The following SLC12A6 variants were observed in gnomAD, a reference collection of about 807,000 sequenced individuals.
SLC12A6 encodes solute carrier family 12 member 6.
A neutral mutation model predicts 135.3 loss-of-function variants in SLC12A6; 66 were observed. The ratio of observed to expected loss-of-function variants is 0.49; its 90% CI spans 0.40 to 0.60. The LOEUF is 0.60. Ranked by LOEUF, SLC12A6 falls within the 20% of genes least tolerant of loss-of-function variation. The pLI is 0.00. For missense variants in SLC12A6, 1,058 were observed against 1,452.3 expected (o/e 0.73, Z 4.41); for synonymous variants, 513 against 508.8 (o/e 1.01, Z -0.11).
At chr15:34,322,547 A>C (rs78541473) in intron 2 of SLC12A6, among the ~76,000 whole-genome samples, 1 of 152,176 alleles carries the variant, frequency 6.6e-6, no homozygotes, top group Non-Finnish European at 1.5e-5. Context: ...TCTGCAATTT[A>C]CCTTAAAATG....
At chr15:34,303,886 C>A (rs1026165412) in intron 2 of SLC12A6, among the ~76,000 whole-genome samples, 6 of 152,140 alleles carry the variant, frequency 3.9e-5, no homozygotes, top group Non-Finnish European at 8.8e-5. Context: ...TTATAAATTA[C>A]CCAGTCTGTG....
intron 13 of SLC12A6, among the ~76,000 whole-genome samples, chr15:34,247,567 G>C (rs1242370641): frequency 6.6e-6 from 1 of 151,954 alleles, no homozygotes. Flanking sequence ...CACATCTGAA[G>C]ATTTCTACAA....
Position 34,278,215 on chromosome 15 carries a change from T to C in SLC12A6, c.272-2826A>G, listed in dbSNP as rs530004373. Among the ~76,000 whole-genome samples, 19 of 151,902 alleles carry C rather than the reference T, an allele frequency of 1.3e-4. No homozygotes were observed. In the East Asian group the frequency reaches 3.7e-3, roughly 30 times the overall value. Reference sequence around the variant, plus strand: ...GCCGAGGCGGGTGGATCACCTGAGGTCAGGAGTTCGAGACCAGCCTGACCA... The same window carrying C: ...GCCGAGGCGGGTGGATCACCTGAGGCCAGGAGTTCGAGACCAGCCTGACCA... On this transcript the variant is annotated intron_variant, in intron 2 of 25. Transcript: ENST00000354181.
intron 3 of SLC12A6, among the ~76,000 whole-genome samples, chr15:34,264,732 G>A (rs997539499): frequency 6.6e-6 from 1 of 152,124 alleles, no homozygotes; most frequent in Admixed American, 6.5e-5. Context: ...GGAAAAATTA[G>A]GTAGGGTCTT....
At chr15:34,326,043 T>C (rs543085989) in intron 2 of SLC12A6, among the ~76,000 whole-genome samples, 2 of 152,356 alleles carry the variant, frequency 1.3e-5, no homozygotes, top group East Asian at 1.9e-4. Context: ...GCTAGCTAAT[T>C]TGATAGCTAC....
At chr15:34,275,643 T>C (rs534476364) in intron 2 of SLC12A6, among the ~76,000 whole-genome samples, 1 of 152,246 alleles carries the variant, frequency 6.6e-6, no homozygotes, top group East Asian at 1.9e-4. Context: ...AAACAGGGAC[T>C]CAAACAGATA....
intron 15 of SLC12A6, among the ~76,000 whole-genome samples, chr15:34,244,862 A>G (rs1201505207): frequency 6.6e-6 from 1 of 152,106 alleles, no homozygotes; most frequent in Non-Finnish European, 1.5e-5. Context: ...TTATCATGGC[A>G]CTCATCACGC....
intron 2 of SLC12A6, among the ~76,000 whole-genome samples, chr15:34,321,214 T>A (rs577705589): frequency 4.6e-5 from 7 of 152,334 alleles, no homozygotes; most frequent in African/African-American, 1.7e-4. Flanking sequence ...CTAAATTTTA[T>A]TTCATTGGTT....
chr15:34,325,161 A>G (rs1449332850), intron 2 of SLC12A6, among the ~76,000 whole-genome samples: 1 of 152,134 alleles, frequency 6.6e-6, no homozygotes, highest in East Asian at 1.9e-4. Flanking sequence ...GCTGTTCACC[A>G]CTTACATTTA....
chr15:34,242,656 G>C (rs938002098), intron 16 of SLC12A6, among the ~76,000 whole-genome samples: 2 of 152,040 alleles, frequency 1.3e-5, no homozygotes, highest in African/African-American at 4.8e-5. Context: ...ATAACTCTAG[G>C]ATCTTTTTAA....
chr15:34,322,978 C>CAAAAAAAAAA (rs1218702689), intron 2 of SLC12A6, among the ~76,000 whole-genome samples: 1 of 39,014 alleles, frequency 2.6e-5, no homozygotes, highest in African/African-American at 9.1e-5. Context: ...AACTCTGTCT[C>CAAAAAAAAAA]AAAAAAAAAA....
chr15:34,262,607 A>T (rs1893224893), intron 3 of SLC12A6, among the ~76,000 whole-genome samples: 1 of 152,170 alleles, frequency 6.6e-6, no homozygotes, highest in African/African-American at 2.4e-5. Context: ...AGAGCTGTTA[A>T]CATGCCGCCA....
At chr15:34,290,106 C>A (rs568674460) in intron 2 of SLC12A6, among the ~76,000 whole-genome samples, 2 of 152,116 alleles carry the variant, frequency 1.3e-5, no homozygotes, top group East Asian at 1.9e-4. Context: ...CTTTCTCTTG[C>A]GGGCATTTAG....
intron 16 of SLC12A6, 115 bp from the exon 17 acceptor site, chr15:34,242,336 T>G: frequency 1.4e-6 from 1 of 729,122 alleles, no homozygotes; most frequent in Non-Finnish European, 2.3e-6. Context: ...ACTTTGAAAC[T>G]ATTATAAATA....
intron 14 of SLC12A6, 69 bp from the exon 15 acceptor site, chr15:34,245,472 A>C (rs1334707339): frequency 7.1e-6 from 7 of 986,922 alleles, no homozygotes; most frequent in Non-Finnish European, 1.2e-5. Flanking sequence ...TCTAGCCTAC[A>C]GTTTTCAGAC....
intron 13 of SLC12A6, among the ~76,000 whole-genome samples, chr15:34,249,550 G>A (rs964644778): frequency 2.0e-5 from 3 of 152,146 alleles, no homozygotes; most frequent in Non-Finnish European, 4.4e-5. Flanking sequence ...CTGGGCAACA[G>A]AGCAAGACCT....
chr15:34,300,793 CAAAAAAAAA>C lies in SLC12A6; in HGVS notation c.272-25413_272-25405del, dbSNP rs71763739. Among the ~76,000 whole-genome samples the C allele has an allele frequency of 3.4e-4, 34 of 98,862 alleles. 1 individual carries two copies. Among genetic ancestry groups the C allele is most frequent in the East Asian group, 1.2e-3 (4 of 3,342 alleles). 64.9% of individuals were successfully genotyped at this position (98,862 alleles called of 152,430 possible). On this transcript the variant is annotated intron_variant, in intron 2 of 25. Coordinates refer to ENST00000354181, the MANE Select transcript of SLC12A6 (RefSeq NM_001365088.1). The stretch of plus-strand genomic sequence containing the variant: ...CCTGGGAGACAGAGTGACTCCGTCT[CAAAAAAAAA>C]AAAAAAAAAAAAAGAATGAGAGGAG...
At chr15:34,287,068 G>A (rs565480940) in intron 2 of SLC12A6, among the ~76,000 whole-genome samples, 6 of 151,744 alleles carry the variant, frequency 4.0e-5, no homozygotes, top group Non-Finnish European at 7.4e-5. Context: ...AGGTATACAC[G>A]TGCCATGGTG....
intron 2 of SLC12A6, among the ~76,000 whole-genome samples, chr15:34,288,658 C>T (rs931936096): frequency 3.3e-5 from 5 of 152,064 alleles, no homozygotes; most frequent in African/African-American, 1.2e-4. Context: ...CTCTTATTTC[C>T]TTGGGCAGTG....
Sources: gnomAD v4.1 joint callset for allele counts (sites outside exome capture counted in the v4.1 genomes callset) on GRCh38, gnomAD v4.1.1 for gene constraint, MANE v1.5 for transcripts, NCBI Gene and HGNC (gene_info 2026-07-23, HGNC 2026-07-21) for gene names.